KCNIP4: variants seen among roughly 807,000 people sequenced by gnomAD.
KCNIP4 encodes Kv channel-interacting protein 4.
In KCNIP4, 12 loss-of-function variants were observed where a neutral mutation model predicts 34.0. The observed-to-expected ratio is 0.35, with a 90% CI of 0.23 to 0.57. The LOEUF (loss-of-function observed/expected upper bound fraction) is 0.57. Ranked by LOEUF, KCNIP4 falls within the 20% of genes least tolerant of loss-of-function variation. The pLI, the probability that KCNIP4 is intolerant of heterozygous loss-of-function variation, is 0.83. For synonymous variants in KCNIP4, 124 were observed against 102.2 expected (o/e 1.21, Z -1.29); for missense variants, 238 against 311.7 (o/e 0.76, Z 1.78).
chr4:21,062,236 G>T (rs1401060484), intron 1 of KCNIP4, among the ~76,000 whole-genome samples: 1 of 152,028 alleles, frequency 6.6e-6, no homozygotes, highest in African/African-American at 2.4e-5. Context: ...CAGACAAATG[G>T]ATAAGAAATC....
intron 1 of KCNIP4, among the ~76,000 whole-genome samples, chr4:21,522,358 C>T (rs1560483446): frequency 6.6e-6 from 1 of 151,738 alleles, no homozygotes. Context: ...TCACCTGCCA[C>T]CGTATATTCT....
chr4:21,929,424 A>G (rs961085376), intron 1 of KCNIP4, among the ~76,000 whole-genome samples: 1 of 152,114 alleles, frequency 6.6e-6, no homozygotes, highest in Non-Finnish European at 1.5e-5. Flanking sequence ...GTATTTTTAT[A>G]AGTAGTTAAA....
chr4:21,374,806 T>G (rs1720822059), intron 1 of KCNIP4, among the ~76,000 whole-genome samples: 1 of 147,520 alleles, frequency 6.8e-6, no homozygotes, highest in East Asian at 2.0e-4. Flanking sequence ...ATATACTGGC[T>G]TTGGCTTCCT....
chr4:20,893,344 G>A (rs990040639), intron 1 of KCNIP4, among the ~76,000 whole-genome samples: 1 of 152,142 alleles, frequency 6.6e-6, no homozygotes, highest in African/African-American at 2.4e-5. Flanking sequence ...TAGGGTTCAG[G>A]GAGAACTCAT....
intron 1 of KCNIP4, among the ~76,000 whole-genome samples, chr4:21,835,950 G>C (rs1364050916): frequency 1.3e-5 from 2 of 152,194 alleles, no homozygotes; most frequent in African/African-American, 4.8e-5. Flanking sequence ...TGACTCAACT[G>C]TACATAATTC....
At chr4:21,078,307 T>C (rs1430082219) in intron 1 of KCNIP4, among the ~76,000 whole-genome samples, 1 of 152,094 alleles carries the variant, frequency 6.6e-6, no homozygotes, top group Non-Finnish European at 1.5e-5. Context: ...TGGGCTGCTA[T>C]AACAAACATT....
At chr4:20,818,319 T>G (rs1272825436) in intron 3 of KCNIP4, among the ~76,000 whole-genome samples, 2 of 152,206 alleles carry the variant, frequency 1.3e-5, no homozygotes, top group Non-Finnish European at 2.9e-5. Context: ...GTGGTGGTGG[T>G]ATCAGTTCTC....
intron 1 of KCNIP4, among the ~76,000 whole-genome samples, chr4:21,877,094 C>G (rs2109376452): frequency 6.6e-6 from 1 of 152,272 alleles, no homozygotes; most frequent in East Asian, 1.9e-4. Context: ...AGGTTCACAA[C>G]TGTAATCCCA....
chr4:21,070,616 T>G (rs868172119), intron 1 of KCNIP4, among the ~76,000 whole-genome samples: 81 of 151,904 alleles, frequency 5.3e-4, no homozygotes, highest in African/African-American at 1.7e-3. Flanking sequence ...TCATATCTTT[T>G]TCTCATTTTC....
At chr4:21,608,593 G>A (rs1207457343) in intron 1 of KCNIP4, among the ~76,000 whole-genome samples, 1 of 152,128 alleles carries the variant, frequency 6.6e-6, no homozygotes, top group Non-Finnish European at 1.5e-5. Context: ...GGGCCTCCAG[G>A]ATAATCTCCC....
At chr4:20,994,932 G>A (rs574170501) in intron 1 of KCNIP4, among the ~76,000 whole-genome samples, 7 of 152,282 alleles carry the variant, frequency 4.6e-5, no homozygotes, top group Non-Finnish European at 8.8e-5. Flanking sequence ...ATCCTTTGAA[G>A]AGCCATAAGA....
intron 1 of KCNIP4, among the ~76,000 whole-genome samples, chr4:21,374,008 G>GA (rs1720735686): frequency 2.0e-5 from 3 of 147,226 alleles, no homozygotes; most frequent in Non-Finnish European, 4.4e-5. Flanking sequence ...CCCAGCCTAG[G>GA]GTTTCTCATT....
chr4:21,343,431 C>T (rs1378358826), intron 1 of KCNIP4, among the ~76,000 whole-genome samples: 2 of 152,116 alleles, frequency 1.3e-5, no homozygotes, highest in South Asian at 2.1e-4. Context: ...CTACCTTTGA[C>T]AGGGAAAGCA....
chr4:21,549,817 T>C (rs965831526), intron 1 of KCNIP4, among the ~76,000 whole-genome samples: 15 of 152,100 alleles, frequency 9.9e-5, no homozygotes, highest in Admixed American at 7.9e-4. Flanking sequence ...TTGGGACAAT[T>C]GGATTCCAGA....
chr4:21,504,915 A>G (rs1229032273), intron 1 of KCNIP4, among the ~76,000 whole-genome samples: 1 of 152,228 alleles, frequency 6.6e-6, no homozygotes, highest in African/African-American at 2.4e-5. Flanking sequence ...CAATCCTTAC[A>G]GAAAATCTGT....
chr4:21,501,487 A>C (rs1229419888), intron 1 of KCNIP4, among the ~76,000 whole-genome samples: 2 of 152,034 alleles, frequency 1.3e-5, no homozygotes, highest in Admixed American at 1.3e-4. Flanking sequence ...GATGTCGCAA[A>C]ATTTCTTATC....
chr4:21,290,640 C>A (rs1427926679), intron 1 of KCNIP4, among the ~76,000 whole-genome samples: 2 of 152,142 alleles, frequency 1.3e-5, no homozygotes, highest in Non-Finnish European at 2.9e-5. Context: ...GAGAATTTAT[C>A]AACATGCAAA....
At chr4:21,587,093 A>G (rs1741683737) in intron 1 of KCNIP4, among the ~76,000 whole-genome samples, 2 of 152,108 alleles carry the variant, frequency 1.3e-5, no homozygotes, top group African/African-American at 4.8e-5. Flanking sequence ...AGGAATTAAG[A>G]CATCAACACC....
At chr4:20,949,495 A>G (rs1577417628) in intron 1 of KCNIP4, among the ~76,000 whole-genome samples, 1 of 152,236 alleles carries the variant, frequency 6.6e-6, no homozygotes, top group Non-Finnish European at 1.5e-5. Context: ...TGACCCAGCC[A>G]TCCCATTACT....
Sources: allele counts gnomAD v4.1 joint callset (sites outside exome capture counted in the v4.1 genomes callset), GRCh38; gene constraint gnomAD v4.1.1; transcripts MANE v1.5; gene names NCBI Gene and HGNC (gene_info 2026-07-23, HGNC 2026-07-21).